IRAK1BP1: variants seen among roughly 807,000 people sequenced by gnomAD.
IRAK1BP1 encodes the protein interleukin 1 receptor associated kinase 1 binding protein 1, also known as interleukin-1 receptor-associated kinase 1-binding protein 1.
In IRAK1BP1, 24 loss-of-function variants were observed where a neutral mutation model predicts 28.0. The ratio of observed to expected loss-of-function variants is 0.86; its 90% CI spans 0.62 to 1.20. IRAK1BP1 has a LOEUF of 1.20. IRAK1BP1 is among the 50% of genes most tolerant of loss of function. The probability of loss-of-function intolerance (pLI) is 0.00; values close to 1 mark genes in which losing one functional copy is unlikely to be tolerated. For synonymous variants in IRAK1BP1, 131 were observed against 116.3 expected (o/e 1.13, Z -0.81); for missense variants, 336 against 316.7 (o/e 1.06, Z -0.46).
intron 4 of IRAK1BP1, among the ~76,000 whole-genome samples, chr6:78,920,781 C>T (rs1247683722): frequency 6.6e-6 from 1 of 152,142 alleles, no homozygotes; most frequent in Admixed American, 6.5e-5. Context: ...CAAAAATTGA[C>T]AAGTGGGACT....
At chr6:78,948,755 A>G (rs1299367817), downstream of IRAK1BP1, among the ~76,000 whole-genome samples, 2 of 152,166 alleles carry the variant, frequency 1.3e-5, no homozygotes, top group Non-Finnish European at 2.9e-5. Context: ...TGACCTCCCA[A>G]AGTGCTGGGA....
the IRAK1BP1 span, among the ~76,000 whole-genome samples, chr6:78,976,172 C>T: frequency 2.7e-3 from 396 of 149,256 alleles, no homozygotes; most frequent in African/African-American, 9.4e-3. Context: ...GGGACCAAAA[C>T]AGAGATATAG....
chr6:78,921,524 C>T (rs1029625089), intron 4 of IRAK1BP1, among the ~76,000 whole-genome samples: 3 of 152,226 alleles, frequency 2.0e-5, no homozygotes, highest in African/African-American at 7.2e-5. Context: ...CAAAAGGCAG[C>T]AGAAACCTCT....
At position 78,867,695 on chromosome 6, in the gene IRAK1BP1, C is replaced by G. The variant is rs41269339; in HGVS notation, c.119C>G (p.Pro40Arg). Reference sequence around the variant, plus strand: ...GAGACGCTACCGGGCTTACGCCACCCCCTCTCCTCAACACAAGCCCAAACT... The same window carrying G: ...GAGACGCTACCGGGCTTACGCCACCGCCTCTCCTCAACACAAGCCCAAACT... The part of the protein sequence containing the change: ...GRETLPGLRH[P>R]LSSTQAQTAT... The change falls in exon 1 of 4, where the codon CCC becomes CGC. Residue 40 changes from proline to arginine, a missense_variant. Coordinates refer to ENST00000369940, the MANE Select transcript of IRAK1BP1 (RefSeq NM_001010844.4). The G allele has an allele frequency of 0.035, 56,439 of 1,614,218 alleles. 1,149 individuals carry two copies. Among genetic ancestry groups the G allele is most frequent in the Middle Eastern group, 0.042 (254 of 6,062 alleles).
rs186554761 is a variant in IRAK1BP1 at position 78,876,032 on chromosome 6, C to T, written c.315+8141C>T. On this transcript the variant is annotated intron_variant, in intron 1 of 3. Coordinates refer to ENST00000369940, the MANE Select transcript of IRAK1BP1 (RefSeq NM_001010844.4). ...TGTTATCATCATGATTTGTGCTTCC[C>T]TATTGATATGGTTTGGCTCTGTGTC... is the stretch of plus-strand genomic sequence containing the variant. Among the ~76,000 whole-genome samples, 98 of 152,066 alleles carry T rather than the reference C, an allele frequency of 6.4e-4. 1 individual carries two copies. The South Asian group carries it at 8.1e-3, about 13-fold the overall frequency.
In IRAK1BP1 at chr6:78,897,857, A is replaced by C; in HGVS notation, c.410A>C (p.Lys137Thr). 6.2e-7 allele frequency: 1 copy of C among 1,613,612 alleles called. No homozygotes were observed. The highest frequency in any genetic ancestry group is 8.5e-7 in the Non-Finnish European group (1 of 1,179,688). The change falls in exon 3 of 4, where the codon AAA (lysine) becomes ACA (threonine). Residue 137 changes from lysine (K) to threonine (T), a missense_variant. Lys to Thr is a moderately conservative substitution (Grantham distance 78, BLOSUM62 -1). Coordinates refer to ENST00000369940, the MANE Select transcript of IRAK1BP1 (RefSeq NM_001010844.4). ...EVCITFTEFG[K>T]MQNICNFLVE... is the part of the protein sequence containing the mutation. The stretch of plus-strand genomic sequence containing the variant: ...TGCATTACATTTACTGAATTTGGAA[A>C]AATGCAAAATATTTGTAACTTTCTT...
chr6:78,867,977 G>A (rs1300241090), intron 1 of IRAK1BP1, 86 bp downstream of exon 1: 1 of 1,380,280 alleles, frequency 7.2e-7, no homozygotes, highest in Admixed American at 2.7e-5. Context: ...CCCCTAGCGG[G>A]AAGGGAGATG....
At chr6:78,976,011 T>C in the IRAK1BP1 span, among the ~76,000 whole-genome samples, 2 of 151,790 alleles carry the variant, frequency 1.3e-5, no homozygotes, top group South Asian at 4.2e-4. Flanking sequence ...CTTCACAGAA[T>C]TGGAAAAAAC....
rs899323226 is a variant in IRAK1BP1 at position 78,918,826 on chromosome 6, G to C, written c.*67+15716G>C. ...GCGGAAAACTAACAAAGAAATTACA[G>C]ACTTAAATTAGATACTTGACAATTG... On this transcript the variant is annotated intron_variant and NMD_transcript_variant, in intron 4 of 4. Transcript: ENST00000606868. Among the ~76,000 whole-genome samples the C allele has an allele frequency of 3.3e-5, 5 of 152,118 alleles. No homozygotes were observed. In the South Asian group the frequency reaches 1.0e-3, roughly 32 times the overall value.
At chr6:78,906,444 G>A (rs996077341), downstream of IRAK1BP1, among the ~76,000 whole-genome samples, 3 of 152,118 alleles carry the variant, frequency 2.0e-5, no homozygotes, top group African/African-American at 7.2e-5. Flanking sequence ...AAAATTGTTT[G>A]CCCCCATTTG....
At chr6:78,952,044 T>C in the IRAK1BP1 span, among the ~76,000 whole-genome samples, 6 of 152,364 alleles carry the variant, frequency 3.9e-5, no homozygotes, top group African/African-American at 1.2e-4. Flanking sequence ...TTGAGTTTTT[T>C]TCACTCTTAT....
chr6:78,945,050 C>T (rs1335268113), intron 4 of IRAK1BP1, among the ~76,000 whole-genome samples: 1 of 151,602 alleles, frequency 6.6e-6, no homozygotes, highest in African/African-American at 2.4e-5. Context: ...GTTAACTATA[C>T]CCTATTTAAT....
Position 78,914,107 on chromosome 6 carries a change from G to A in IRAK1BP1, c.*67+10997G>A, listed in dbSNP as rs1772495806. On this transcript the variant is annotated intron_variant and NMD_transcript_variant, in intron 4 of 4. Coordinates refer to the IRAK1BP1 transcript ENST00000606868. The stretch of plus-strand genomic sequence containing the variant: ...CATTCCACTAAATTAAAAGAAGCTT[G>A]CTTTAATTGATGATTAGCACATTAA... Among the ~76,000 whole-genome samples the A allele has an allele frequency of 2.6e-5, 4 of 152,134 alleles. No individual in the cohort carries two copies. In the South Asian group the frequency reaches 8.3e-4, roughly 32 times the overall value.
intron 4 of IRAK1BP1, among the ~76,000 whole-genome samples, chr6:78,919,511 A>G (rs979729255): frequency 1.3e-5 from 2 of 152,330 alleles, no homozygotes; most frequent in South Asian, 2.1e-4. Context: ...CAAAGGTGAC[A>G]TTACAACTGA....
intron 1 of IRAK1BP1, among the ~76,000 whole-genome samples, chr6:78,883,432 T>A (rs1282529168): frequency 6.6e-6 from 1 of 152,180 alleles, no homozygotes; most frequent in East Asian, 1.9e-4. Context: ...AGTATTAGAT[T>A]TTCTTTGATT....
In IRAK1BP1 at chr6:78,867,765, G is replaced by C. The variant is rs1468318740; in HGVS notation, c.189G>C (p.Ala63=). The part of the protein sequence containing the change: ...VQVSGTSEVS[A]GPDRAQVVVR... ...TAAGCGGCACCTCAGAAGTGTCTGC[G>C]GGCCCTGACCGGGCGCAGGTGGTGG... Residue 63 remains alanine (A), a synonymous_variant, in exon 1 of 4, where the codon GCG becomes GCC. Transcript: ENST00000369940. The C allele has an allele frequency of 3.1e-6, 5 of 1,613,798 alleles. No individual in the cohort carries two copies. The African/African-American group carries it at 5.3e-5, about 17-fold the overall frequency.
chr6:78,907,338 A>C (rs1263489408), downstream of IRAK1BP1, among the ~76,000 whole-genome samples: 1 of 152,220 alleles, frequency 6.6e-6, no homozygotes, highest in African/African-American at 2.4e-5. Flanking sequence ...TATTAAAATA[A>C]ATGATAAATA....
intron 2 of IRAK1BP1, among the ~76,000 whole-genome samples, chr6:78,888,388 C>T (rs1280488890): frequency 6.6e-6 from 1 of 152,064 alleles, no homozygotes; most frequent in African/African-American, 2.4e-5. Flanking sequence ...AAATTTTGGA[C>T]GTGATAGATA....
intron 4 of IRAK1BP1, among the ~76,000 whole-genome samples, chr6:78,942,627 T>A (rs1158823456): frequency 6.6e-6 from 1 of 152,028 alleles, no homozygotes; most frequent in Non-Finnish European, 1.5e-5. Flanking sequence ...TGGGAAAAAA[T>A]GTGGGTGTGG....
Sources: allele counts gnomAD v4.1 joint callset (sites outside exome capture counted in the v4.1 genomes callset), GRCh38; gene constraint gnomAD v4.1.1; transcripts MANE v1.5; gene names NCBI Gene and HGNC (gene_info 2026-07-23, HGNC 2026-07-21).